TTC7A: variants seen among roughly 807,000 people sequenced by gnomAD.
The protein encoded by TTC7A is tetratricopeptide repeat domain 7A.
In TTC7A, 110 loss-of-function variants were observed where a neutral mutation model predicts 103.7. That is an observed-to-expected ratio of 1.06 (90% CI 0.91 to 1.24). The LOEUF is 1.24. Among genes scored for constraint, TTC7A ranks in the 50% most tolerant of loss-of-function variants. TTC7A has a pLI of 0.00. For missense variants in TTC7A, 1,340 were observed against 1,116.3 expected, an observed-to-expected ratio of 1.20 and a Z score of -2.86; for synonymous variants, 521 against 467.9, an observed-to-expected ratio of 1.11 and a Z score of -1.47.
intron 8 of TTC7A, among the ~76,000 whole-genome samples, chr2:46,995,499 A>G (rs1040680649): frequency 2.0e-5 from 3 of 152,262 alleles, no homozygotes; most frequent in Non-Finnish European, 4.4e-5. Context: ...ACAAGGTCAC[A>G]GTAAAATGTT....
chr2:46,934,802 T>C (rs1375640049), intron 2 of TTC7A, among the ~76,000 whole-genome samples: 4 of 122,916 alleles, frequency 3.3e-5, no homozygotes, highest in Middle Eastern at 3.8e-3. Flanking sequence ...TTTTTTTTTT[T>C]TTTTTTTTTT....
At chr2:47,063,494 C>T (rs1218293733) in intron 19 of TTC7A, among the ~76,000 whole-genome samples, 1 of 152,236 alleles carries the variant, frequency 6.6e-6, no homozygotes, top group Non-Finnish European at 1.5e-5. Flanking sequence ...CATTCTAGGT[C>T]AGTTTCACAT....
In TTC7A at chr2:46,972,781, C is replaced by T. The variant is rs575836873; in HGVS notation, c.518-2192C>T. ...TGTGCATGTAAAATGCTGCATAACT[C>T]GAGCACCTACTATGTGAGGTGCTGT... is the stretch of plus-strand genomic sequence containing the variant. On this transcript the variant is annotated intron_variant, in intron 3 of 19. Transcript: ENST00000319190. Among the ~76,000 whole-genome samples, 5 of 152,314 alleles carry T rather than the reference C, an allele frequency of 3.3e-5. No homozygotes were observed. In the East Asian group the frequency reaches 5.8e-4, roughly 18 times the overall value.
intron 15 of TTC7A, chr2:47,034,184 C>G (rs534528919): frequency 6.6e-6 from 1 of 152,306 alleles, no homozygotes; most frequent in Admixed American, 6.5e-5. Context: ...CCAGACACCC[C>G]GAGCAGCTTC....
intron 2 of TTC7A, among the ~76,000 whole-genome samples, chr2:46,934,661 G>T (rs900218770): frequency 1.3e-5 from 2 of 151,828 alleles, no homozygotes; most frequent in African/African-American, 4.8e-5. Context: ...AGTAAGCCTG[G>T]ATGACAGAGG....
intron 14 of TTC7A, among the ~76,000 whole-genome samples, chr2:47,025,276 C>T (rs186838763): frequency 1.6e-4 from 25 of 152,292 alleles, no homozygotes; most frequent in African/African-American, 6.0e-4. Flanking sequence ...TTCTGAGGAG[C>T]GGGCCACAGC....
intron 2 of TTC7A, among the ~76,000 whole-genome samples, chr2:46,931,487 A>C (rs1281114896): frequency 2.6e-5 from 4 of 152,112 alleles, no homozygotes; most frequent in Admixed American, 1.3e-4. Context: ...GCCCAATATA[A>C]TCACAAGAGT....
At chr2:46,945,356 G>A (rs1458099717) in intron 1 of TTC7A, among the ~76,000 whole-genome samples, 2 of 152,080 alleles carry the variant, frequency 1.3e-5, no homozygotes, top group Admixed American at 6.6e-5. Flanking sequence ...GGGTTCAAGC[G>A]ATTCTTCTGC....
chr2:46,974,205 G>T (rs1396285677), intron 3 of TTC7A, among the ~76,000 whole-genome samples: 1 of 152,238 alleles, frequency 6.6e-6, no homozygotes, highest in Non-Finnish European at 1.5e-5. Flanking sequence ...AAAGGTACAG[G>T]CTCCTGCCTT....
At chr2:47,068,171 T>C (rs967537703) in intron 19 of TTC7A, 3 of 152,152 alleles carry the variant, frequency 2.0e-5, no homozygotes, top group Non-Finnish European at 4.4e-5. Flanking sequence ...TCAGCATCTG[T>C]TTTCTGACTT....
rs1355443797 is a variant in TTC7A at position 46,999,458 on chromosome 2, C to T, written c.1065+4259C>T. The T allele has an allele frequency of 4.1e-6, 4 of 984,770 alleles. No individual in the cohort carries two copies. The African/African-American group carries it at 5.2e-5, about 13-fold the overall frequency. The allele number at this position is 984,770 out of a possible 1,614,324, so 61.0% of individuals were successfully genotyped here. Reference sequence around the variant, plus strand: ...TCATCCATTCATCTGTCTATCCACCCACCATGTATCCATCTAATCTTATTC... The same window carrying T: ...TCATCCATTCATCTGTCTATCCACCTACCATGTATCCATCTAATCTTATTC... On this transcript the variant is annotated intron_variant, in intron 8 of 19. Transcript: ENST00000319190.
chr2:46,953,648 TC>T (rs1671594614), intron 2 of TTC7A, among the ~76,000 whole-genome samples: 1 of 151,988 alleles, frequency 6.6e-6, no homozygotes, highest in African/African-American at 2.4e-5. Context: ...CTTGGTTATC[TC>T]TCTAAGACCC....
At chr2:47,072,152 C>A (rs1684789473) in intron 19 of TTC7A, among the ~76,000 whole-genome samples, 1 of 152,202 alleles carries the variant, frequency 6.6e-6, no homozygotes, top group Non-Finnish European at 1.5e-5. Context: ...GCCAGCCTGG[C>A]CACTACCCTT....
chr2:47,038,279 GAAA>G (rs1345055472), intron 15 of TTC7A, among the ~76,000 whole-genome samples: 3 of 148,890 alleles, frequency 2.0e-5, no homozygotes, highest in Non-Finnish European at 4.5e-5. Context: ...AAAAAAGAAA[GAAA>G]AAAGCTGAGG....
At chr2:46,966,949 A>G (rs1167161646) in intron 3 of TTC7A, among the ~76,000 whole-genome samples, 1 of 150,416 alleles carries the variant, frequency 6.6e-6, no homozygotes, top group Non-Finnish European at 1.5e-5. Flanking sequence ...GCGGTGGCTC[A>G]TGCCTATAAT....
intron 18 of TTC7A, among the ~76,000 whole-genome samples, chr2:47,058,120 C>T (rs946062844): frequency 6.6e-6 from 1 of 152,206 alleles, no homozygotes; most frequent in Non-Finnish European, 1.5e-5. Context: ...GACCCCTCCC[C>T]CTACCAGCCA....
chr2:46,991,946 G>C (rs1389643577), intron 5 of TTC7A, among the ~76,000 whole-genome samples: 1 of 152,184 alleles, frequency 6.6e-6, no homozygotes, highest in Non-Finnish European at 1.5e-5. Flanking sequence ...TGAGGCCAGA[G>C]CTTTCCAGAA....
chr2:47,047,274 G>C, intron 16 of TTC7A: 1 of 1,548,064 alleles, frequency 6.5e-7, no homozygotes, highest in Non-Finnish European at 8.7e-7. Flanking sequence ...AGAGACTTTA[G>C]GAGCCCAGAA....
At chr2:47,006,128 C>T in intron 9 of TTC7A, 69 bp downstream of exon 9, 1 of 1,570,292 alleles carries the variant, frequency 6.4e-7, no homozygotes, top group Admixed American at 1.7e-5. Context: ...TCAGACAGAG[C>T]CATTTGTCCC....
Sources: gnomAD v4.1 joint callset for allele counts (sites outside exome capture counted in the v4.1 genomes callset) on GRCh38, gnomAD v4.1.1 for gene constraint, MANE v1.5 for transcripts, NCBI Gene and HGNC (gene_info 2026-07-23, HGNC 2026-07-21) for gene names.